GLI3: variants seen among roughly 807,000 people sequenced by gnomAD.
GLI3 encodes GLI family zinc finger 3.
Under a neutral mutation model 100.8 loss-of-function variants are expected in GLI3, and 20 were observed. That is an observed-to-expected ratio of 0.20 (90% confidence interval 0.14 to 0.29). The LOEUF is 0.29. Ranked by LOEUF, GLI3 falls within the 10% of genes least tolerant of loss-of-function variation. GLI3 has a pLI of 1.00. For synonymous variants in GLI3, 938 were observed against 860.5 expected, an observed-to-expected ratio of 1.09 and a Z score of -1.58; for missense variants, 2,040 against 2,128.5, an observed-to-expected ratio of 0.96 and a Z score of 0.82.
chr7:42,174,957 C>T (rs910577573), intron 2 of GLI3, among the ~76,000 whole-genome samples: 1 of 152,194 alleles, frequency 6.6e-6, no homozygotes, highest in Admixed American at 6.5e-5. Flanking sequence ...TCAGTAGAAC[C>T]TCTGCCCCCA....
intron 2 of GLI3, among the ~76,000 whole-genome samples, chr7:42,178,665 G>C (rs1387646729): frequency 6.6e-6 from 1 of 152,148 alleles, no homozygotes; most frequent in African/African-American, 2.4e-5. Flanking sequence ...TAGACACTTG[G>C]ACTCTAGCAA....
intron 1 of GLI3, among the ~76,000 whole-genome samples, chr7:42,256,207 A>C (rs1285368220): frequency 1.3e-5 from 2 of 152,076 alleles, no homozygotes; most frequent in African/African-American, 2.4e-5. Flanking sequence ...GTAATTTATA[A>C]GATATATGAT....
At chr7:42,002,621 T>C (rs1051026898) in intron 10 of GLI3, among the ~76,000 whole-genome samples, 3 of 152,214 alleles carry the variant, frequency 2.0e-5, no homozygotes, top group Non-Finnish European at 2.9e-5. Flanking sequence ...CAGAATATCA[T>C]ATATATCACA....
intron 2 of GLI3, among the ~76,000 whole-genome samples, chr7:42,171,348 A>G (rs1378842460): frequency 1.3e-5 from 2 of 152,250 alleles, no homozygotes; most frequent in Non-Finnish European, 2.9e-5. Context: ...CTAAGGAGAT[A>G]ATAGGCCTAA....
chr7:42,249,550 C>T lies in GLI3; in HGVS notation c.-43+14444G>A, dbSNP rs137942901. The stretch of plus-strand genomic sequence containing the variant: ...ATTTAGTTTCAAAATTTGTTTATGC[C>T]TTGAGGTTGTGACTTAACTTTTCTA... On this transcript the variant is annotated intron_variant, in intron 1 of 2. Coordinates refer to the GLI3 transcript ENST00000678978. 2.2e-3 allele frequency among the ~76,000 whole-genome samples: 340 copies of T among 152,140 alleles called. 2 individuals carry two copies. The highest frequency in any genetic ancestry group is 7.9e-3 in the African/African-American group (329 of 41,486).
intron 10 of GLI3, among the ~76,000 whole-genome samples, chr7:41,998,298 T>C (rs1788188248): frequency 1.3e-5 from 2 of 152,222 alleles, no homozygotes; most frequent in Admixed American, 1.3e-4. Context: ...GAGAACACTG[T>C]ATTTTCTTTA....
chr7:42,183,003 T>C (rs1787648115), intron 2 of GLI3, among the ~76,000 whole-genome samples: 1 of 151,906 alleles, frequency 6.6e-6, no homozygotes, highest in Non-Finnish European at 1.5e-5. Context: ...GGCAGATCAC[T>C]TGAGGCCAGG....
chr7:42,183,644 G>A (rs907252528), intron 2 of GLI3, among the ~76,000 whole-genome samples: 7 of 152,132 alleles, frequency 4.6e-5, no homozygotes, highest in African/African-American at 9.7e-5. Context: ...TCCCTACACC[G>A]CCGTCAAATA....
intron 1 of GLI3, among the ~76,000 whole-genome samples, chr7:42,249,236 A>G (rs2128710103): frequency 6.6e-6 from 1 of 152,324 alleles, no homozygotes. Context: ...GCGCTCTGCC[A>G]TTGTATCACA....
At chr7:42,257,354 C>CTTT (rs61449410) in intron 1 of GLI3, among the ~76,000 whole-genome samples, 8 of 130,580 alleles carry the variant, frequency 6.1e-5, no homozygotes, top group Non-Finnish European at 1.3e-4. Context: ...ATCATTCAGT[C>CTTT]TTTTTTTTTT....
intron 3 of GLI3, chr7:42,145,622 G>T: frequency 3.4e-5 from 12 of 355,488 alleles, no homozygotes; most frequent in East Asian, 7.7e-5. Context: ...AAGAAAGAAA[G>T]AAAAAAAAAA....
At chr7:42,210,045 G>A (rs1788234104) in intron 2 of GLI3, among the ~76,000 whole-genome samples, 1 of 131,206 alleles carries the variant, frequency 7.6e-6, no homozygotes, top group Admixed American at 8.1e-5. Flanking sequence ...AAAGTGCCAT[G>A]TAAAATAATT....
At chr7:41,994,697 A>G (rs1330603471) in intron 10 of GLI3, among the ~76,000 whole-genome samples, 1 of 152,254 alleles carries the variant, frequency 6.6e-6, no homozygotes, top group Non-Finnish European at 1.5e-5. Flanking sequence ...CCACCAAAGT[A>G]AGAATTTCAT....
chr7:42,067,777 A>AG (rs1784705278), intron 4 of GLI3, among the ~76,000 whole-genome samples: 1 of 152,170 alleles, frequency 6.6e-6, no homozygotes, highest in Non-Finnish European at 1.5e-5. Context: ...CCTTAAAAAA[A>AG]AAGCCTTAAA....
intron 4 of GLI3, among the ~76,000 whole-genome samples, chr7:42,049,612 G>A (rs959061779): frequency 4.6e-5 from 7 of 152,156 alleles, no homozygotes; most frequent in Non-Finnish European, 1.0e-4. Flanking sequence ...TTGCTACCAC[G>A]ATATCCTGAT....
Position 42,203,097 on chromosome 7 carries a change from CTTAT to C in GLI3, c.124+20029_124+20032del, listed in dbSNP as rs761720530. Among the ~76,000 whole-genome samples the C allele has an allele frequency of 3.0e-3, 453 of 152,234 alleles. 2 individuals are homozygous for C. The highest frequency in any genetic ancestry group is 0.024 in the Middle Eastern group (7 of 294). ...ATTGTTTTATTTATTTGTTTGTTTA[CTTAT>C]TTATTTTAAATTGACAGAAAAAATT... is the stretch of plus-strand genomic sequence containing the variant. On this transcript the variant is annotated intron_variant, in intron 2 of 14. Transcript: ENST00000395925.
rs1787051016 is a variant in GLI3 at position 41,963,093 on chromosome 7, A to G, written c.*1237T>C. On this transcript the variant is annotated 3_prime_UTR_variant, in exon 15 of 15. Transcript: ENST00000395925. ...TGAATGGATGCAGCATTCAATAGAC[A>G]GGGTGTGAAAAAAGGCATCCACACA... The G allele has an allele frequency of 6.6e-6, 1 of 152,240 alleles. No individual in the cohort carries two copies. The highest frequency in any genetic ancestry group is 1.5e-5 in the Non-Finnish European group (1 of 68,046). The allele number at this position is 152,240 out of a possible 1,614,324, so 9.4% of individuals were successfully genotyped here.
At chr7:41,974,569 T>G (rs1432802404) in intron 12 of GLI3, among the ~76,000 whole-genome samples, 5 of 152,048 alleles carry the variant, frequency 3.3e-5, no homozygotes, top group Admixed American at 3.3e-4. Flanking sequence ...ATAGGAAAAA[T>G]AAGAAGATGC....
intron 2 of GLI3, among the ~76,000 whole-genome samples, chr7:42,185,717 T>A (rs1787704207): frequency 6.6e-6 from 1 of 152,228 alleles, no homozygotes; most frequent in South Asian, 2.1e-4. Flanking sequence ...AGTGAGTCTC[T>A]CCAGCCTGCA....
Sources: allele counts gnomAD v4.1 joint callset (sites outside exome capture counted in the v4.1 genomes callset), GRCh38; gene constraint gnomAD v4.1.1; transcripts MANE v1.5; gene names NCBI Gene and HGNC (gene_info 2026-07-23, HGNC 2026-07-21).